ERBB4: variants seen among roughly 807,000 people sequenced by gnomAD.
ERBB4 encodes erb-b2 receptor tyrosine kinase 4.
A neutral mutation model predicts 158.0 loss-of-function variants in ERBB4; 42 were observed. The observed-to-expected ratio is 0.27, with a 90% confidence interval of 0.21 to 0.34. The LOEUF is 0.34. Among genes scored for constraint, ERBB4 ranks in the 10% least tolerant of loss-of-function variants. The pLI, the probability that ERBB4 is intolerant of heterozygous loss-of-function variation, is 1.00. For missense variants in ERBB4, 1,333 were observed against 1,624.1 expected (o/e 0.82, Z 3.08); for synonymous variants, 583 against 558.7 (o/e 1.04, Z -0.61).
At position 211,381,297 on chromosome 2, in the gene ERBB4, T is replaced by G. The variant is rs1291525372; in HGVS notation, c.*2318A>C. Reference sequence around the variant, plus strand: ...TTGGCCAAGGACCACCATCTGCTTTTGGTTTAATGGTGAAGTTAGACTCTA... The same window carrying G: ...TTGGCCAAGGACCACCATCTGCTTTGGGTTTAATGGTGAAGTTAGACTCTA... On this transcript the variant is annotated 3_prime_UTR_variant, in exon 28 of 28. Transcript: ENST00000342788. 1 of 232,342 alleles carries G rather than the reference T, an allele frequency of 4.3e-6. No homozygotes were observed. The highest frequency in any genetic ancestry group is 5.6e-5 in the Admixed American group (1 of 17,732). 14.4% of individuals were successfully genotyped at this position (232,342 alleles called of 1,614,324 possible). A position where few individuals can be genotyped will look rare whatever the true frequency, so the allele number is the denominator to read the frequency against.
intron 1 of ERBB4, among the ~76,000 whole-genome samples, chr2:212,444,972 G>C (rs1420160332): frequency 6.6e-6 from 1 of 151,504 alleles, no homozygotes; most frequent in African/African-American, 2.4e-5. Context: ...ACTAATATCT[G>C]TGGACTCGCA....
At chr2:211,885,949 A>C (rs1210871816) in intron 3 of ERBB4, among the ~76,000 whole-genome samples, 1 of 152,228 alleles carries the variant, frequency 6.6e-6, no homozygotes, top group East Asian at 1.9e-4. Context: ...AGTTGAAAGA[A>C]TCTAACAATG....
At chr2:211,516,155 A>C (rs904571768) in intron 20 of ERBB4, among the ~76,000 whole-genome samples, 45 of 150,968 alleles carry the variant, frequency 3.0e-4, no homozygotes, top group African/African-American at 1.1e-3. Context: ...TAACCTCGTG[A>C]TCCGCCCGCC....
chr2:212,340,577 G>T (rs775862117), intron 1 of ERBB4, among the ~76,000 whole-genome samples: 1 of 152,122 alleles, frequency 6.6e-6, no homozygotes, highest in South Asian at 2.1e-4. Flanking sequence ...CCTTGCATGC[G>T]CAGTTCACAA....
intron 12 of ERBB4, among the ~76,000 whole-genome samples, chr2:211,692,729 A>G (rs1459661648): frequency 1.3e-5 from 2 of 152,120 alleles, no homozygotes; most frequent in Non-Finnish European, 2.9e-5. Flanking sequence ...AACCCACTCA[A>G]ATAACTTTAG....
intron 1 of ERBB4, among the ~76,000 whole-genome samples, chr2:212,198,670 G>A (rs2082500504): frequency 6.6e-6 from 1 of 150,534 alleles, no homozygotes; most frequent in Admixed American, 6.6e-5. Context: ...TGCCTCCCGG[G>A]TTCAAGCGAT....
chr2:212,535,450 C>A (rs908306177), intron 1 of ERBB4, among the ~76,000 whole-genome samples: 2 of 151,974 alleles, frequency 1.3e-5, no homozygotes, highest in African/African-American at 4.8e-5. Flanking sequence ...TAAATATGTA[C>A]GAAAGCTATA....
At chr2:211,602,210 T>C (rs537418224) in intron 19 of ERBB4, among the ~76,000 whole-genome samples, 28 of 152,214 alleles carry the variant, frequency 1.8e-4, no homozygotes, top group African/African-American at 6.3e-4. Flanking sequence ...TCTCCGACCT[T>C]AAAGTCTTGG....
At chr2:212,366,521 G>T (rs1422282588) in intron 1 of ERBB4, among the ~76,000 whole-genome samples, 1 of 151,856 alleles carries the variant, frequency 6.6e-6, no homozygotes, top group Non-Finnish European at 1.5e-5. Context: ...GAGATCTATG[G>T]CTACCACAAA....
chr2:212,200,519 T>TAC (rs1574420479), intron 1 of ERBB4, among the ~76,000 whole-genome samples: 2 of 152,172 alleles, frequency 1.3e-5, no homozygotes, highest in East Asian at 3.9e-4. Flanking sequence ...TCATAGTATT[T>TAC]ACATCATAGA....
chr2:212,227,244 CAA>C (rs57150566), intron 1 of ERBB4, among the ~76,000 whole-genome samples: 11 of 137,164 alleles, frequency 8.0e-5, no homozygotes, highest in South Asian at 2.4e-4. Context: ...GACTCCACCT[CAA>C]AAAAAAAAAA....
At chr2:211,756,509 CTGTGTG>C (rs2075290693) in intron 4 of ERBB4, among the ~76,000 whole-genome samples, 1 of 152,204 alleles carries the variant, frequency 6.6e-6, no homozygotes, top group South Asian at 2.1e-4. Context: ...GGAGTTTACT[CTGTGTG>C]TGTATTATGG....
intron 2 of ERBB4, among the ~76,000 whole-genome samples, chr2:212,111,520 G>A (rs1212210620): frequency 6.6e-6 from 1 of 152,034 alleles, no homozygotes; most frequent in Non-Finnish European, 1.5e-5. Flanking sequence ...CTATGCTATG[G>A]TAAATACTTT....
Position 211,688,964 on chromosome 2 carries a change from ATATT to A in ERBB4, c.1490-9784_1490-9781del, listed in dbSNP as rs546151705. Among the ~76,000 whole-genome samples the A allele has an allele frequency of 7.8e-4, 118 of 152,214 alleles. 1 individual carries two copies. The highest frequency in any genetic ancestry group is 6.8e-3 in the Middle Eastern group (2 of 294). On this transcript the variant is annotated intron_variant, in intron 12 of 27. Transcript: ENST00000342788. ...AATTGTGGTTTTCTCCATGTCTTAA[ATATT>A]TATTAAAATGAAATATCATATATTA...
chr2:211,388,142 T>C (rs556064060), intron 25 of ERBB4, 150 bp from the exon 26 acceptor site: 53 of 677,748 alleles, frequency 7.8e-5, no homozygotes, highest in Non-Finnish European at 1.4e-4. Flanking sequence ...AGCAGCACAA[T>C]TGTATGCATT....
intron 20 of ERBB4, among the ~76,000 whole-genome samples, chr2:211,472,233 G>A (rs1350675312): frequency 6.6e-6 from 1 of 151,384 alleles, no homozygotes; most frequent in African/African-American, 2.4e-5. Flanking sequence ...TGGTTATAAA[G>A]ATATTTTAGT....
intron 4 of ERBB4, among the ~76,000 whole-genome samples, chr2:211,782,630 A>G (rs1199032552): frequency 3.3e-5 from 5 of 152,224 alleles, no homozygotes; most frequent in Non-Finnish European, 7.4e-5. Context: ...TAGAGAAACA[A>G]TGATTTCTCA....
intron 19 of ERBB4, among the ~76,000 whole-genome samples, chr2:211,615,476 C>T (rs1443175159): frequency 2.0e-5 from 3 of 151,992 alleles, no homozygotes; most frequent in African/African-American, 7.2e-5. Context: ...TAATGTTGTT[C>T]AATATGATCT....
At chr2:212,291,750 T>C (rs1328735381) in intron 1 of ERBB4, among the ~76,000 whole-genome samples, 1 of 152,080 alleles carries the variant, frequency 6.6e-6, no homozygotes, top group East Asian at 1.9e-4. Flanking sequence ...CTAATTTAAA[T>C]TGAATACTTA....
Sources: allele counts gnomAD v4.1 joint callset (sites outside exome capture counted in the v4.1 genomes callset), GRCh38; gene constraint gnomAD v4.1.1; transcripts MANE v1.5; gene names NCBI Gene and HGNC (gene_info 2026-07-23, HGNC 2026-07-21).